THSD7B: variants seen among roughly 807,000 people sequenced by gnomAD.
THSD7B encodes thrombospondin type-1 domain-containing protein 7B.
In THSD7B, 138 loss-of-function variants were observed where a neutral mutation model predicts 213.6. That is an observed-to-expected ratio of 0.65 (90% CI 0.56 to 0.74). The LOEUF (loss-of-function observed/expected upper bound fraction) is 0.74, where lower values mean the gene tolerates loss of function less well. THSD7B is among the 30% of genes least tolerant of loss of function. The probability of loss-of-function intolerance (pLI) is 0.00; values close to 1 mark genes in which losing one functional copy is unlikely to be tolerated. For synonymous variants in THSD7B, 742 were observed against 687.0 expected, an observed-to-expected ratio of 1.08 and a Z score of -1.25; for missense variants, 1,931 against 1,991.5, an observed-to-expected ratio of 0.97 and a Z score of 0.58.
At chr2:137,470,170 G>T (rs755267885) in intron 15 of THSD7B, among the ~76,000 whole-genome samples, 3 of 152,106 alleles carry the variant, frequency 2.0e-5, no homozygotes, top group East Asian at 1.9e-4. Context: ...TGCTTAGAAG[G>T]TTCAAGTTTC....
intron 12 of THSD7B, among the ~76,000 whole-genome samples, chr2:137,335,965 G>C (rs1490569759): frequency 6.6e-6 from 1 of 151,288 alleles, no homozygotes; most frequent in Non-Finnish European, 1.5e-5. Flanking sequence ...TATTCTTTCT[G>C]ATAGCAAGCT....
At chr2:137,579,994 A>G (rs1681541666) in intron 17 of THSD7B, among the ~76,000 whole-genome samples, 1 of 152,152 alleles carries the variant, frequency 6.6e-6, no homozygotes, top group Admixed American at 6.5e-5. Flanking sequence ...ATCTTCTGTC[A>G]TATAAAAGTG....
At chr2:137,547,507 T>C (rs1680764717) in intron 15 of THSD7B, among the ~76,000 whole-genome samples, 1 of 151,980 alleles carries the variant, frequency 6.6e-6, no homozygotes. Context: ...TAAGGCTATA[T>C]TATAATCATT....
intron 2 of THSD7B, among the ~76,000 whole-genome samples, chr2:137,000,993 A>G (rs1322636926): frequency 2.0e-5 from 3 of 152,006 alleles, no homozygotes; most frequent in Non-Finnish European, 4.4e-5. Context: ...TTACTTATCC[A>G]CCCTCCAGGT....
intron 2 of THSD7B, among the ~76,000 whole-genome samples, chr2:137,009,712 ACCACTT>A (rs1686188930): frequency 6.6e-6 from 1 of 152,120 alleles, no homozygotes; most frequent in African/African-American, 2.4e-5. Flanking sequence ...TATGGGGGAA[ACCACTT>A]CCATAATTCA....
chr2:137,085,252 C>T (rs1035005868), intron 3 of THSD7B, among the ~76,000 whole-genome samples: 1 of 152,128 alleles, frequency 6.6e-6, no homozygotes, highest in African/African-American at 2.4e-5. Context: ...ATAAGAGTCA[C>T]CTATAATCAA....
chr2:137,563,403 AC>A, intron 16 of THSD7B, 49 bp downstream of exon 16: 2 of 1,600,824 alleles, frequency 1.2e-6, no homozygotes, highest in Non-Finnish European at 1.7e-6. Flanking sequence ...TGGAACTTAT[AC>A]ATTTTTTATA....
chr2:137,297,238 C>T (rs62171141), intron 12 of THSD7B, among the ~76,000 whole-genome samples: 35,439 of 147,726 alleles, frequency 0.24, 4,768 homozygotes, highest in South Asian at 0.41. Context: ...GAGATATGAT[C>T]GCACCACTAT....
intron 12 of THSD7B, among the ~76,000 whole-genome samples, chr2:137,281,057 G>A (rs1349709711): frequency 2.6e-5 from 4 of 152,098 alleles, no homozygotes; most frequent in Non-Finnish European, 4.4e-5. Flanking sequence ...ACTGGAGATC[G>A]AAATCACTTG....
chr2:137,125,019 T>C (rs1001210806), intron 5 of THSD7B, among the ~76,000 whole-genome samples: 10 of 152,212 alleles, frequency 6.6e-5, no homozygotes, highest in South Asian at 4.1e-4. Context: ...TGATGGACTT[T>C]ATTAAAGTTG....
chr2:137,459,879 G>A (rs191661362), intron 15 of THSD7B, among the ~76,000 whole-genome samples: 7 of 152,204 alleles, frequency 4.6e-5, no homozygotes, highest in Admixed American at 2.0e-4. Context: ...TAAGGAACGT[G>A]TATTTGTTAA....
At chr2:137,428,068 T>A (rs1440205680) in intron 14 of THSD7B, among the ~76,000 whole-genome samples, 1 of 152,160 alleles carries the variant, frequency 6.6e-6, no homozygotes, top group Non-Finnish European at 1.5e-5. Flanking sequence ...AAGAGACTTG[T>A]ATGCAGAATA....
intron 3 of THSD7B, among the ~76,000 whole-genome samples, chr2:137,067,400 T>C (rs1251571909): frequency 6.6e-6 from 1 of 152,076 alleles, no homozygotes; most frequent in Non-Finnish European, 1.5e-5. Flanking sequence ...TTTGGTGTCC[T>C]TGTTTTTGTT....
intron 2 of THSD7B, among the ~76,000 whole-genome samples, chr2:136,916,784 A>C (rs1684356166): frequency 6.6e-6 from 1 of 152,128 alleles, no homozygotes; most frequent in South Asian, 2.1e-4. Flanking sequence ...TTACCTCCAC[A>C]CTCATAGGTA....
At position 136,827,035 on chromosome 2, in the gene THSD7B, A is replaced by G. The variant is rs530059179; in HGVS notation, c.-35-55109A>G. ...CTAGGATTAGAAAACCAGAACAAAC[A>G]CAGGAAAAGAAAATATGCCACAGAT... On this transcript the variant is annotated intron_variant, in intron 1 of 27. Coordinates refer to ENST00000409968, the MANE Select transcript of THSD7B (RefSeq NM_001316349.2). Among the ~76,000 whole-genome samples the G allele has an allele frequency of 4.8e-4, 73 of 152,352 alleles. 1 individual carries two copies. The highest frequency in any genetic ancestry group is 1.6e-3 in the African/African-American group (67 of 41,588).
chr2:137,132,980 T>G (rs1311253565), intron 5 of THSD7B, among the ~76,000 whole-genome samples: 1 of 152,212 alleles, frequency 6.6e-6, no homozygotes, highest in East Asian at 1.9e-4. Flanking sequence ...ACTGACAGTC[T>G]GACATTTTTC....
At chr2:137,074,927 G>A (rs1021235746) in intron 3 of THSD7B, among the ~76,000 whole-genome samples, 19 of 152,174 alleles carry the variant, frequency 1.2e-4, no homozygotes, top group African/African-American at 4.3e-4. Context: ...ACTCTCTTCT[G>A]GCTTGTGGAG....
chr2:137,641,213 T>C (rs1682931258), intron 20 of THSD7B, among the ~76,000 whole-genome samples: 1 of 152,240 alleles, frequency 6.6e-6, no homozygotes, highest in Admixed American at 6.5e-5. Flanking sequence ...TTCTCACTAA[T>C]ACTCTCTGCT....
chr2:137,063,645 GC>G (rs34162649), intron 3 of THSD7B, among the ~76,000 whole-genome samples: 25,502 of 151,860 alleles, frequency 0.17, 2,857 homozygotes, highest in African/African-American at 0.31. Flanking sequence ...GTTACTGTGT[GC>G]CCATTAATCT....
Sources: gnomAD v4.1 joint callset for allele counts (sites outside exome capture counted in the v4.1 genomes callset) on GRCh38, gnomAD v4.1.1 for gene constraint, MANE v1.5 for transcripts, NCBI Gene and HGNC (gene_info 2026-07-23, HGNC 2026-07-21) for gene names.